POLN: variants seen among roughly 807,000 people sequenced by gnomAD.
POLN encodes the protein DNA polymerase N.
A neutral mutation model predicts 113.5 loss-of-function variants in POLN; 108 were observed. The observed-to-expected ratio is 0.95, with a 90% CI of 0.81 to 1.12. The LOEUF (loss-of-function observed/expected upper bound fraction) is 1.12, where lower values mean the gene tolerates loss of function less well. Ranked by LOEUF, POLN falls within the 50% of genes most tolerant of loss-of-function variation. The probability of loss-of-function intolerance (pLI) is 0.00; values close to 1 mark genes in which losing one functional copy is unlikely to be tolerated. For missense variants in POLN, 1,097 were observed against 1,077.1 expected (o/e 1.02, Z -0.26); for synonymous variants, 386 against 391.5 (o/e 0.99, Z 0.17).
Position 2,126,654 on chromosome 4 carries a change from G to A in POLN, c.1982+1459C>T, listed in dbSNP as rs747939819. Among the ~76,000 whole-genome samples the A allele has an allele frequency of 2.0e-4, 30 of 152,156 alleles. No homozygotes were observed. Among genetic ancestry groups the A allele is most frequent in the Non-Finnish European group, 2.4e-4 (16 of 68,030 alleles). On this transcript the variant is annotated intron_variant, in intron 19 of 25. Coordinates refer to ENST00000511885, the MANE Select transcript of POLN (RefSeq NM_181808.4). The surrounding 1 kb of genome is among the most constrained non-coding windows in gnomAD (Gnocchi z 4.6). ...GGAGACCAGAGAGGAGCGGCGCCGT[G>A]CCCAGCATCAGGGGAGGGTGGTCAG... is the stretch of plus-strand genomic sequence containing the variant.
chr4:2,172,200 C>T (rs1168613096), intron 11 of POLN, among the ~76,000 whole-genome samples: 1 of 152,218 alleles, frequency 6.6e-6, no homozygotes, highest in Non-Finnish European at 1.5e-5. Flanking sequence ...ATTCTAAGGA[C>T]TGCCTGCATG....
intron 19 of POLN, among the ~76,000 whole-genome samples, chr4:2,104,056 C>T (rs1730990104): frequency 6.6e-6 from 1 of 152,172 alleles, no homozygotes; most frequent in Non-Finnish European, 1.5e-5. Flanking sequence ...AGCAATCACA[C>T]AAAGGAGGAA....
chr4:2,132,639 G>C (rs1731753989), intron 16 of POLN, among the ~76,000 whole-genome samples: 1 of 152,224 alleles, frequency 6.6e-6, no homozygotes, highest in African/African-American at 2.4e-5. Flanking sequence ...AGCAATGTGA[G>C]TGACTGCAGA....
chr4:2,176,788 C>A (rs1470849578), intron 8 of POLN, among the ~76,000 whole-genome samples: 1 of 152,124 alleles, frequency 6.6e-6, no homozygotes, highest in Non-Finnish European at 1.5e-5. Context: ...AGGAGATGCA[C>A]ACAGAGGCCC....
At chr4:2,233,793 G>A (rs146838926) in intron 2 of POLN, among the ~76,000 whole-genome samples, 26 of 152,230 alleles carry the variant, frequency 1.7e-4, no homozygotes, top group Admixed American at 3.3e-4. Flanking sequence ...TTAACTAAGA[G>A]TTTTTCTTTT....
At position 2,179,420 on chromosome 4, in the gene POLN, A is replaced by T. The variant is rs1436811140; in HGVS notation, c.1067T>A (p.Ile356Lys). 3.1e-6 allele frequency: 5 copies of T among 1,613,842 alleles called. No homozygotes were observed. The highest frequency in any genetic ancestry group is 4.2e-6 in the Non-Finnish European group (5 of 1,179,826). The change falls in exon 8 of 26, where the codon ATA (isoleucine) becomes AAA (lysine). Residue 356 changes from isoleucine (I) to lysine (K), a missense_variant. Transcript: ENST00000511885. ...AGAGGGTGTGGCATCACTAGGATCT[A>T]TAAGCCATGCAGCAATTCTGGGATC... ...GLDPRIAAWL[I>K]DPSDATPSFE...
At chr4:2,120,638 C>T (rs549948383) in intron 19 of POLN, among the ~76,000 whole-genome samples, 9 of 152,086 alleles carry the variant, frequency 5.9e-5, no homozygotes, top group East Asian at 5.8e-4. Context: ...GGATTACAGG[C>T]GCTCATCACT....
chr4:2,094,726 G>A (rs1028558340), intron 20 of POLN, among the ~76,000 whole-genome samples: 6 of 152,088 alleles, frequency 3.9e-5, no homozygotes, highest in African/African-American at 1.4e-4. Context: ...CTGGCTGATT[G>A]GCTGTGGTTC....
intron 5 of POLN, among the ~76,000 whole-genome samples, chr4:2,199,819 C>T (rs113635036): frequency 5.9e-5 from 9 of 152,170 alleles, no homozygotes; most frequent in African/African-American, 1.7e-4. Context: ...TCAGCCAATC[C>T]GCCCACCTTG....
At chr4:2,179,561 T>A in intron 7 of POLN, 96 bp from the exon 8 acceptor site, 1 of 1,184,590 alleles carries the variant, frequency 8.4e-7, no homozygotes, top group Non-Finnish European at 1.2e-6. Flanking sequence ...ATAGTAGTAG[T>A]ATTGTCATCC....
chr4:2,156,996 A>T, intron 15 of POLN, 143 bp from the exon 16 acceptor site: 1 of 683,374 alleles, frequency 1.5e-6, no homozygotes, highest in South Asian at 1.8e-5. Context: ...TCCAACCCTG[A>T]AATGTCCTTG....
intron 19 of POLN, among the ~76,000 whole-genome samples, chr4:2,125,110 A>C (rs1162540523): frequency 6.6e-6 from 1 of 152,238 alleles, no homozygotes; most frequent in Non-Finnish European, 1.5e-5. Context: ...GGATATGTTA[A>C]CAATGCTAGA....
intron 19 of POLN, among the ~76,000 whole-genome samples, chr4:2,104,908 C>CA (rs1363979991): frequency 6.6e-6 from 1 of 152,196 alleles, no homozygotes; most frequent in Non-Finnish European, 1.5e-5. Flanking sequence ...ATCAGGGTGG[C>CA]AGGGAATCAG....
In POLN at chr4:2,179,289, T is replaced by C. The variant is rs35787308; in HGVS notation, c.1179+19A>G. ...TAGGATGTATTAAGGTTGATAAAACTTTATCTTAAACAACTCACCACAATA... is the reference window on the plus strand; with the variant it reads ...TAGGATGTATTAAGGTTGATAAAACCTTATCTTAAACAACTCACCACAATA... On this transcript the variant is annotated intron_variant, in intron 8 of 25. Transcript: ENST00000511885. The C allele has an allele frequency of 0.14, 221,950 of 1,596,338 alleles. 24,206 individuals carry two copies. Among genetic ancestry groups the C allele is most frequent in the African/African-American group, 0.52 (38,466 of 73,790 alleles).
At chr4:2,171,540 G>A (rs1732862748) in intron 11 of POLN, among the ~76,000 whole-genome samples, 2 of 152,094 alleles carry the variant, frequency 1.3e-5, no homozygotes, top group African/African-American at 4.8e-5. Flanking sequence ...CAGCCTGTGT[G>A]ACAGTGAGAC....
At chr4:2,207,845 T>G in intron 5 of POLN, 142 bp downstream of exon 5, 1 of 922,560 alleles carries the variant, frequency 1.1e-6, no homozygotes, top group Non-Finnish European at 1.6e-6. Flanking sequence ...GATGGGAGCA[T>G]ACATTGTCAA....
At chr4:2,177,355 C>T in intron 8 of POLN, 3 of 446,566 alleles carry the variant, frequency 6.7e-6, no homozygotes, top group Admixed American at 2.5e-5. Context: ...AGAGTCTTAC[C>T]ATATCCCTGC....
In POLN at chr4:2,231,979, A is replaced by G. The variant is rs1164965491; in HGVS notation, c.-12-2736T>C. On this transcript the variant is annotated intron_variant, in intron 2 of 25. Transcript: ENST00000511885. ...CTTTGATTGAGTTTCTAAATTCTCC[A>G]CAATATCTTTCAGATAATCTTCATC... 7 of 1,484,016 alleles carry G rather than the reference A, an allele frequency of 4.7e-6. No individual in the cohort carries two copies. The East Asian group carries it at 1.6e-4, about 34-fold the overall frequency. The allele number at this position is 1,484,016 out of a possible 1,614,324, so 91.9% of individuals were successfully genotyped here. A position where few individuals can be genotyped will look rare whatever the true frequency, so the allele number is the denominator to read the frequency against.
intron 20 of POLN, among the ~76,000 whole-genome samples, chr4:2,094,719 G>C (rs1369590734): frequency 3.3e-5 from 5 of 152,140 alleles, no homozygotes; most frequent in Admixed American, 1.3e-4. Context: ...AGCTGGCCTG[G>C]CTGATTGGCT....
Sources: allele counts gnomAD v4.1 joint callset (sites outside exome capture counted in the v4.1 genomes callset), GRCh38; gene constraint gnomAD v4.1.1; non-coding constraint Gnocchi (gnomAD v3.1); transcripts MANE v1.5; gene names NCBI Gene and HGNC (gene_info 2026-07-23, HGNC 2026-07-21).